Variants in MSRA observed in about 807,000 individuals in gnomAD.
The protein encoded by MSRA is methionine sulfoxide reductase A.
Under a neutral mutation model 31.3 loss-of-function variants are expected in MSRA, and 54 were observed. That is an observed-to-expected ratio of 1.73 (90% CI 1.39 to 2.17). The LOEUF is 2.17. MSRA is among the 30% of genes most tolerant of loss of function. The probability of loss-of-function intolerance (pLI) is 0.00; values close to 1 mark genes in which losing one functional copy is unlikely to be tolerated. For missense variants in MSRA, 507 were observed against 300.9 expected (o/e 1.69, Z -5.07); for synonymous variants, 169 against 116.5 (o/e 1.45, Z -2.90).
At chr8:10,352,164 G>C (rs925466024) in intron 5 of MSRA, among the ~76,000 whole-genome samples, 1 of 152,178 alleles carries the variant, frequency 6.6e-6, no homozygotes, top group East Asian at 1.9e-4. Flanking sequence ...GGAACACGTC[G>C]TGAACAGAGT....
chr8:10,273,880 C>A (rs2952168), intron 3 of MSRA, among the ~76,000 whole-genome samples: 1 of 151,992 alleles, frequency 6.6e-6, no homozygotes, highest in East Asian at 1.9e-4. Flanking sequence ...GGATTTGGCA[C>A]CTTCCTATCT....
At chr8:10,406,992 C>G (rs1229293861) in intron 5 of MSRA, among the ~76,000 whole-genome samples, 1 of 152,226 alleles carries the variant, frequency 6.6e-6, no homozygotes, top group Non-Finnish European at 1.5e-5. Context: ...ATCCTTCCAT[C>G]TCGGTCTCCC....
In MSRA at chr8:10,286,810, G is replaced by T. The variant is rs557805505; in HGVS notation, c.332-14724G>T. Among the ~76,000 whole-genome samples, 5 of 152,368 alleles carry T rather than the reference G, an allele frequency of 3.3e-5. 1 individual carries two copies. The highest frequency in any genetic ancestry group is 1.3e-4 in the Admixed American group (2 of 15,302). ...ATTCCTGGCCTGTCCAGCTGGGACAGAGAGAATGAGTAGAGAAACTAAGTA... is the reference window on the plus strand; with the variant it reads ...ATTCCTGGCCTGTCCAGCTGGGACATAGAGAATGAGTAGAGAAACTAAGTA... On this transcript the variant is annotated intron_variant, in intron 3 of 5. Coordinates refer to ENST00000317173, the MANE Select transcript of MSRA (RefSeq NM_012331.5).
chr8:10,145,988 A>G (rs1239892706), intron 1 of MSRA, among the ~76,000 whole-genome samples: 1 of 152,162 alleles, frequency 6.6e-6, no homozygotes, highest in East Asian at 1.9e-4. Flanking sequence ...AGTGGAGAAA[A>G]TTTGTAAACA....
intron 5 of MSRA, among the ~76,000 whole-genome samples, chr8:10,370,252 G>A (rs1025209997): frequency 2.0e-5 from 3 of 152,168 alleles, no homozygotes; most frequent in Admixed American, 6.5e-5. Context: ...TAACCAATAA[G>A]TGGCAAAGGA....
chr8:10,163,007 C>G (rs1441273428), intron 1 of MSRA, among the ~76,000 whole-genome samples: 1 of 152,038 alleles, frequency 6.6e-6, no homozygotes, highest in Non-Finnish European at 1.5e-5. Flanking sequence ...GGAGGGGGCT[C>G]TGGGAGGTGA....
At chr8:10,283,836 T>TATACACACACACACACACACACACACAC (rs1261287031) in intron 3 of MSRA, among the ~76,000 whole-genome samples, 1 of 53,162 alleles carries the variant, frequency 1.9e-5, no homozygotes, top group Non-Finnish European at 3.2e-5. Context: ...TATATATATA[T>TATACACACACACACACACACACACACAC]ACACACACAC....
chr8:10,271,753 T>C (rs2129100777), intron 3 of MSRA, among the ~76,000 whole-genome samples: 1 of 151,344 alleles, frequency 6.6e-6, no homozygotes, highest in Non-Finnish European at 1.5e-5. Context: ...ACTTTTGCTC[T>C]TGTCGCCCAG....
At chr8:10,105,803 C>A (rs1799841255) in intron 1 of MSRA, among the ~76,000 whole-genome samples, 1 of 152,146 alleles carries the variant, frequency 6.6e-6, no homozygotes, top group Admixed American at 6.5e-5. Context: ...AATCAAGTAG[C>A]ACTTATTCAC....
chr8:10,426,255 C>T (rs920466811), intron 5 of MSRA, among the ~76,000 whole-genome samples: 10 of 152,112 alleles, frequency 6.6e-5, no homozygotes, highest in Non-Finnish European at 1.2e-4. Flanking sequence ...TGAGCTGGGG[C>T]CCGGTCATGG....
At chr8:10,079,097 C>T (rs148196168) in intron 1 of MSRA, among the ~76,000 whole-genome samples, 2,164 of 152,166 alleles carry the variant, frequency 0.014, 21 homozygotes, top group Non-Finnish European at 0.021. Context: ...TAGCGTTGCC[C>T]GCAGGCTCAT....
At chr8:10,411,295 G>A (rs1986972) in intron 5 of MSRA, 51,570 of 151,988 alleles carry the variant, frequency 0.34, 8,940 homozygotes, top group Non-Finnish European at 0.36. Context: ...GCCGTCCTCT[G>A]TGTGTTCACA....
intron 1 of MSRA, among the ~76,000 whole-genome samples, chr8:10,097,732 C>G (rs1289692139): frequency 1.1e-4 from 17 of 152,068 alleles, no homozygotes; most frequent in Admixed American, 1.1e-3. Flanking sequence ...AAACTTATAT[C>G]CAAACTATTT....
chr8:10,094,925 T>A (rs758664698), intron 1 of MSRA, among the ~76,000 whole-genome samples: 1 of 152,354 alleles, frequency 6.6e-6, no homozygotes, highest in East Asian at 1.9e-4. Flanking sequence ...GTTATTTGTT[T>A]TATCAAAAGA....
At position 10,279,138 on chromosome 8, in the gene MSRA, G is replaced by A. The variant is rs933165847; in HGVS notation, c.332-22396G>A. 2.0e-5 allele frequency among the ~76,000 whole-genome samples: 3 copies of A among 152,150 alleles called. 1 individual carries two copies. Among genetic ancestry groups the A allele is most frequent in the South Asian group, 4.1e-4 (2 of 4,824 alleles). Reference sequence around the variant, plus strand: ...CTACTAAATGGCTGCATGATCTTGCGTATCTGCTGGAGCCTCTGTCTCTTC... The same window carrying A: ...CTACTAAATGGCTGCATGATCTTGCATATCTGCTGGAGCCTCTGTCTCTTC... On this transcript the variant is annotated intron_variant, in intron 3 of 5. Transcript: ENST00000317173.
intron 5 of MSRA, among the ~76,000 whole-genome samples, chr8:10,396,286 T>C (rs1807094497): frequency 6.6e-6 from 1 of 152,152 alleles, no homozygotes; most frequent in Admixed American, 6.5e-5. Context: ...TCCAACATCC[T>C]CTCCCCTCCT....
rs140002310 is a variant in MSRA, at chr8:10,108,740, G to C, written c.142+54082G>C. Among the ~76,000 whole-genome samples, 275 of 152,272 alleles carry C rather than the reference G, an allele frequency of 1.8e-3. 1 individual carries two copies. The highest frequency in any genetic ancestry group is 6.3e-3 in the African/African-American group (262 of 41,546). On this transcript the variant is annotated intron_variant, in intron 1 of 5. Coordinates refer to ENST00000317173, the MANE Select transcript of MSRA (RefSeq NM_012331.5). ...CTTTGCAGGTCTCTAGCACTTATCA[G>C]AAATGCCTGGCACGTTTTAAACAAA... is the stretch of plus-strand genomic sequence containing the variant.
intron 4 of MSRA, among the ~76,000 whole-genome samples, chr8:10,306,602 C>T (rs958453516): frequency 1.7e-4 from 26 of 152,196 alleles, no homozygotes; most frequent in African/African-American, 6.0e-4. Context: ...CTGGTGGATC[C>T]TTGCTCAAAA....
intron 5 of MSRA, among the ~76,000 whole-genome samples, chr8:10,368,437 A>T (rs1268910330): frequency 6.6e-6 from 1 of 152,038 alleles, no homozygotes; most frequent in Non-Finnish European, 1.5e-5. Context: ...TGAAAGTGTG[A>T]CTCCTTCCAG....
Sources: allele counts gnomAD v4.1 joint callset (sites outside exome capture counted in the v4.1 genomes callset), GRCh38; gene constraint gnomAD v4.1.1; transcripts MANE v1.5; gene names NCBI Gene and HGNC (gene_info 2026-07-23, HGNC 2026-07-21).